PLAG1: variants seen among roughly 807,000 people sequenced by gnomAD.
The protein encoded by PLAG1 is zinc finger protein PLAG1.
In PLAG1, 7 loss-of-function variants were observed where a neutral mutation model predicts 35.5. That is an observed-to-expected ratio of 0.20 (90% CI 0.11 to 0.37). The LOEUF (loss-of-function observed/expected upper bound fraction) is 0.37, where lower values mean the gene tolerates loss of function less well. Among genes scored for constraint, PLAG1 ranks in the 10% least tolerant of loss-of-function variants. PLAG1 has a pLI of 1.00. For missense variants in PLAG1, 454 were observed against 602.8 expected (o/e 0.75, Z 2.58); for synonymous variants, 229 against 225.4 (o/e 1.02, Z -0.14).
At position 56,211,109 on chromosome 8, in the gene PLAG1, C is replaced by A; in HGVS notation, c.-322+12G>T. ...ACGCCTCGCCGCCGCCCCGGACCCC[C>A]GGAGAACTCACCGCGGGGCTTTAAC... On this transcript the variant is annotated intron_variant, in intron 1 of 4. Transcript: ENST00000316981. 1 of 153,180 alleles carries A rather than the reference C, an allele frequency of 6.5e-6. No homozygotes were observed. Among genetic ancestry groups the A allele is most frequent in the South Asian group, 2.0e-4 (1 of 5,108 alleles). 9.5% of individuals were successfully genotyped at this position (153,180 alleles called of 1,614,324 possible).
intron 1 of PLAG1, among the ~76,000 whole-genome samples, chr8:56,192,678 C>G (rs548969308): frequency 6.6e-6 from 1 of 152,204 alleles, no homozygotes; most frequent in Non-Finnish European, 1.5e-5. Flanking sequence ...GCTATATTCA[C>G]TATATTGGTA....
rs1811239451 is a variant in PLAG1, at chr8:56,162,687, AT to A, written c.*3555del. 4.8e-6 allele frequency: 1 copy of A among 209,696 alleles called. No individual in the cohort carries two copies. Among genetic ancestry groups the A allele is most frequent in the Non-Finnish European group, 9.7e-6 (1 of 103,026 alleles). The allele number at this position is 209,696 out of a possible 1,614,324, so 13.0% of individuals were successfully genotyped here. On this transcript the variant is annotated 3_prime_UTR_variant, in exon 5 of 5. Transcript: ENST00000316981. ...TTTTAAAAAAATATTGGCCTATAAT[AT>A]GTGTATTGCTCACTAGATGAACGAT... is the stretch of plus-strand genomic sequence containing the variant.
intron 1 of PLAG1, among the ~76,000 whole-genome samples, chr8:56,188,135 G>A (rs1812076934): frequency 6.6e-6 from 1 of 152,176 alleles, no homozygotes; most frequent in Non-Finnish European, 1.5e-5. Context: ...TCCACACTGT[G>A]AGTTCTACAA....
chr8:56,166,858 C>G lies in PLAG1; in HGVS notation c.888G>C (p.Gln296His). ...GGGCAGATCCCGAGCTCTGCATGGA[C>G]TGAAATGGAGTGTTGTAGAGGTTTA... is the stretch of plus-strand genomic sequence containing the variant. ...LQLNLYNTPF[Q>H]SMQSSGSAHQ... Residue 296 changes from glutamine (Q) to histidine (H), a missense_variant, in exon 5 of 5, where the codon CAG becomes CAC. By Grantham distance (24) the Gln-to-His change is conservative. Transcript: ENST00000316981. 1.2e-6 allele frequency: 2 copies of G among 1,614,128 alleles called. No homozygotes were observed. The highest frequency in any genetic ancestry group is 1.7e-6 in the Non-Finnish European group (2 of 1,180,004).
chr8:56,170,653 T>C (rs1344148229), intron 3 of PLAG1, among the ~76,000 whole-genome samples: 5 of 152,224 alleles, frequency 3.3e-5, no homozygotes, highest in Non-Finnish European at 7.3e-5. Context: ...ATATTTGCCA[T>C]TGTGTTATAA....
intron 1 of PLAG1, among the ~76,000 whole-genome samples, chr8:56,184,120 T>C (rs747341050): frequency 5.3e-5 from 8 of 152,168 alleles, no homozygotes; most frequent in Non-Finnish European, 1.0e-4. Context: ...ACCCAGAATA[T>C]ATAAAGAACT....
intron 1 of PLAG1, among the ~76,000 whole-genome samples, chr8:56,200,262 C>T (rs1407257292): frequency 6.6e-6 from 1 of 152,194 alleles, no homozygotes; most frequent in Non-Finnish European, 1.5e-5. Flanking sequence ...GTCTCTATAA[C>T]ACAAGTATTA....
intron 1 of PLAG1, among the ~76,000 whole-genome samples, chr8:56,195,381 A>G (rs550702339): frequency 6.6e-6 from 1 of 152,346 alleles, no homozygotes; most frequent in Non-Finnish European, 1.5e-5. Flanking sequence ...AACAGTCAGC[A>G]CAGGGCAAGC....
At chr8:56,176,539 G>A (rs1201431252) in intron 2 of PLAG1, among the ~76,000 whole-genome samples, 1 of 151,950 alleles carries the variant, frequency 6.6e-6, no homozygotes, top group African/African-American at 2.4e-5. Context: ...TTTTCAAAGA[G>A]GAAATGAAAA....
At chr8:56,188,616 T>G (rs1219080717) in intron 1 of PLAG1, among the ~76,000 whole-genome samples, 1 of 152,196 alleles carries the variant, frequency 6.6e-6, no homozygotes. Flanking sequence ...TTAAAAAACT[T>G]TACTGACAAT....
chr8:56,197,821 T>C (rs192435586), intron 1 of PLAG1, among the ~76,000 whole-genome samples: 2 of 152,176 alleles, frequency 1.3e-5, no homozygotes, highest in Non-Finnish European at 2.9e-5. Flanking sequence ...GGGCTGGCCT[T>C]GTGGCGGTCA....
intron 1 of PLAG1, among the ~76,000 whole-genome samples, chr8:56,195,026 T>C (rs73596216): frequency 0.088 from 13,350 of 152,090 alleles, 1,975 homozygotes; most frequent in African/African-American, 0.3. Context: ...TGAGGGTGCA[T>C]ATCTGACAGA....
rs1811401709 is a variant in PLAG1 at position 56,167,667 on chromosome 8, G to A, written c.243-164C>T. ...AGGATAGTTAATATACCTAATTACTGCAAAACTTGAGCCATTTAAGTTGCC... is the reference window on the plus strand; with the variant it reads ...AGGATAGTTAATATACCTAATTACTACAAAACTTGAGCCATTTAAGTTGCC... On this transcript the variant is annotated intron_variant, in intron 4 of 4. Coordinates refer to ENST00000316981, the MANE Select transcript of PLAG1 (RefSeq NM_002655.3). The surrounding 1 kb of genome is among the most constrained non-coding windows in gnomAD (Gnocchi z 5.9). Among the ~76,000 whole-genome samples, 1 of 152,168 alleles carries A rather than the reference G, an allele frequency of 6.6e-6. No homozygotes were observed. Among genetic ancestry groups the A allele is most frequent in the Admixed American group, 6.5e-5 (1 of 15,282 alleles).
At chr8:56,176,026 G>C (rs901413795) in intron 2 of PLAG1, among the ~76,000 whole-genome samples, 2 of 148,628 alleles carry the variant, frequency 1.3e-5, no homozygotes, top group African/African-American at 5.0e-5. Flanking sequence ...TTTCTCTTTT[G>C]AAAACTCCCT....
chr8:56,166,398 G>A lies in PLAG1; in HGVS notation c.1348C>T (p.His450Tyr), dbSNP rs757915002. 1 of 1,613,740 alleles carries A rather than the reference G, an allele frequency of 6.2e-7. No individual in the cohort carries two copies. ...GGGGGGAGCTGGGAAACAGAAGAAT[G>A]TGCTTCTTCCTGGGAATAGCTCATT... ...LGMSYSQEEA[H>Y]SSVSQLPPQT... Residue 450 changes from histidine (H) to tyrosine (Y), a missense_variant, in exon 5 of 5, where the codon CAT (histidine) becomes TAT (tyrosine). His to Tyr is a moderately conservative substitution (Grantham distance 83). This residue lies in a region of PLAG1 where 271 missense variants were observed against 315.6 expected (regional missense o/e 0.86). Transcript: ENST00000316981.
intron 1 of PLAG1, among the ~76,000 whole-genome samples, chr8:56,188,855 C>A (rs907777587): frequency 2.0e-5 from 3 of 152,200 alleles, no homozygotes; most frequent in African/African-American, 7.2e-5. Context: ...CCAGTGGTGC[C>A]TTTGCTTGTT....
At chr8:56,172,201 T>C (rs1190523240) in intron 2 of PLAG1, among the ~76,000 whole-genome samples, 3 of 152,210 alleles carry the variant, frequency 2.0e-5, no homozygotes, top group African/African-American at 7.2e-5. Flanking sequence ...AAAACTTTCA[T>C]ACTTGAAGAA....
At chr8:56,205,231 G>A (rs1554539513) in intron 1 of PLAG1, among the ~76,000 whole-genome samples, 2 of 151,742 alleles carry the variant, frequency 1.3e-5, no homozygotes, top group Admixed American at 6.6e-5. Context: ...GATGAACAAT[G>A]AAGAAAATGA....
chr8:56,197,300 G>A (rs972789692), intron 1 of PLAG1, among the ~76,000 whole-genome samples: 3 of 152,136 alleles, frequency 2.0e-5, no homozygotes, highest in African/African-American at 4.8e-5. Flanking sequence ...TCACATCCTG[G>A]CGTGAGTGTA....
Sources: gnomAD v4.1 joint callset for allele counts (sites outside exome capture counted in the v4.1 genomes callset) on GRCh38, gnomAD v4.1.1 for gene constraint, gnomAD v4.1.1 regional missense constraint, Gnocchi (gnomAD v3.1) non-coding constraint, MANE v1.5 for transcripts, NCBI Gene and HGNC (gene_info 2026-07-23, HGNC 2026-07-21) for gene names.